RANBP17: variants seen among roughly 807,000 people sequenced by gnomAD.
RANBP17 encodes ran-binding protein 17.
Under a neutral mutation model 141.2 loss-of-function variants are expected in RANBP17, and 158 were observed. The observed-to-expected ratio is 1.12, with a 90% confidence interval of 0.98 to 1.28. The LOEUF is 1.28. Among genes scored for constraint, RANBP17 ranks in the 50% most tolerant of loss-of-function variants. RANBP17 has a pLI of 0.00. For missense variants in RANBP17, 1,438 were observed against 1,290.7 expected, an observed-to-expected ratio of 1.11 and a Z score of -1.75; for synonymous variants, 430 against 450.0, an observed-to-expected ratio of 0.96 and a Z score of 0.56.
chr5:171,132,585 G>A (rs1756996980), intron 14 of RANBP17, among the ~76,000 whole-genome samples: 1 of 151,962 alleles, frequency 6.6e-6, no homozygotes, highest in Non-Finnish European at 1.5e-5. Flanking sequence ...AACCAGGTAT[G>A]GTGGTGCATG....
Position 171,183,356 on chromosome 5 carries a change from A to G in RANBP17, c.1964A>G (p.Asn655Ser), listed in dbSNP as rs753101001. 1.1e-5 allele frequency: 17 copies of G among 1,613,922 alleles called. No individual in the cohort carries two copies. Among genetic ancestry groups the G allele is most frequent in the Non-Finnish European group, 1.4e-5 (17 of 1,179,934 alleles). The change falls in exon 18 of 28, where the codon AAT (asparagine) becomes AGT (serine). Residue 655 changes from asparagine (N) to serine (S), a missense_variant. By Grantham distance (46) the Asn-to-Ser change is conservative. Transcript: ENST00000523189. The stretch of plus-strand genomic sequence containing the variant: ...TTCCCTTTTCTTGGCATCAGTGACA[A>G]TCATAGTCTCAGCGACTTCAGGTGT... Reference protein sequence around the residue: ...EHFPFLGISDNHSLSDFRCRT... With the variant: ...EHFPFLGISDSHSLSDFRCRT...
intron 12 of RANBP17, among the ~76,000 whole-genome samples, chr5:170,948,401 A>G (rs1424964700): frequency 1.3e-5 from 2 of 152,176 alleles, no homozygotes; most frequent in African/African-American, 4.8e-5. Context: ...AATAAAATCA[A>G]TGGTATGTCT....
chr5:170,999,639 G>A (rs2127575229), intron 14 of RANBP17, among the ~76,000 whole-genome samples: 1 of 152,206 alleles, frequency 6.6e-6, no homozygotes, highest in South Asian at 2.1e-4. Context: ...AAAGATAATT[G>A]AAATATGTGT....
intron 1 of RANBP17, among the ~76,000 whole-genome samples, chr5:170,874,145 G>T (rs1273933862): frequency 6.6e-6 from 1 of 152,134 alleles, no homozygotes; most frequent in Non-Finnish European, 1.5e-5. Context: ...GTGTAGTTGT[G>T]TGGTTTTGAG....
intron 14 of RANBP17, among the ~76,000 whole-genome samples, chr5:170,977,390 G>T (rs1335725317): frequency 6.6e-6 from 1 of 151,968 alleles, no homozygotes; most frequent in African/African-American, 2.4e-5. Flanking sequence ...TTCATACACT[G>T]TTGCAAGGAA....
rs373432862 is a variant in RANBP17 at position 171,077,379 on chromosome 5, T to C, written c.1711-92751T>C. Among the ~76,000 whole-genome samples the C allele has an allele frequency of 2.2e-4, 34 of 151,298 alleles. No homozygotes were observed. In the East Asian group the frequency reaches 3.1e-3, roughly 14 times the overall value. On this transcript the variant is annotated intron_variant, in intron 14 of 27. Transcript: ENST00000523189. ...GTGTACAAGGTAAGTTATGAAGTAA[T>C]CTTGCCATAAAACAAAAAGGCAAGC... is the stretch of plus-strand genomic sequence containing the variant.
chr5:171,021,350 A>G (rs1163543904), intron 14 of RANBP17, among the ~76,000 whole-genome samples: 2 of 152,172 alleles, frequency 1.3e-5, no homozygotes, highest in Non-Finnish European at 1.5e-5. Context: ...CTCCTGGATA[A>G]TATCCTGAAG....
rs369727362 is a variant in RANBP17 at position 171,222,976 on chromosome 5, TA to T, written c.2422+1140del. 3.8e-3 allele frequency among the ~76,000 whole-genome samples: 572 copies of T among 152,320 alleles called. 2 individuals carry two copies. Among genetic ancestry groups the T allele is most frequent in the African/African-American group, 0.013 (521 of 41,556 alleles). ...CAGAAACAAATTGTACAAAATTTTG[TA>T]AAATCTCTTTATTTTAATTCTGTAT... On this transcript the variant is annotated intron_variant, in intron 22 of 27. Coordinates refer to ENST00000523189, the MANE Select transcript of RANBP17 (RefSeq NM_022897.5).
intron 14 of RANBP17, among the ~76,000 whole-genome samples, chr5:171,067,870 T>G (rs1784401278): frequency 6.7e-6 from 1 of 149,838 alleles, no homozygotes. Flanking sequence ...TCTCTTTTAA[T>G]TTATTCTGCT....
intron 14 of RANBP17, among the ~76,000 whole-genome samples, chr5:171,070,037 A>G (rs1784544759): frequency 6.6e-6 from 1 of 152,194 alleles, no homozygotes; most frequent in African/African-American, 2.4e-5. Context: ...TCAGTACACA[A>G]AATTTCTAAA....
intron 3 of RANBP17, among the ~76,000 whole-genome samples, chr5:170,890,407 A>G (rs1769499411): frequency 6.6e-6 from 1 of 152,080 alleles, no homozygotes; most frequent in South Asian, 2.1e-4. Flanking sequence ...TTTTTTCAAA[A>G]TGTATTTTAT....
chr5:171,168,320 C>A (rs1303905150), intron 14 of RANBP17, among the ~76,000 whole-genome samples: 1 of 152,134 alleles, frequency 6.6e-6, no homozygotes, highest in East Asian at 1.9e-4. Context: ...GGCAAAATGA[C>A]CAGCACATGA....
At chr5:171,058,536 C>T (rs999891572) in intron 14 of RANBP17, among the ~76,000 whole-genome samples, 11 of 151,792 alleles carry the variant, frequency 7.2e-5, no homozygotes, top group Non-Finnish European at 1.0e-4. Flanking sequence ...GTATATGTGC[C>T]ACATTTTCTT....
chr5:170,994,682 A>G (rs1207943882), intron 14 of RANBP17, among the ~76,000 whole-genome samples: 3 of 152,078 alleles, frequency 2.0e-5, no homozygotes, highest in East Asian at 1.9e-4. Context: ...TTTCTTTTCA[A>G]TACCCTCTAG....
At chr5:171,046,684 T>C (rs1441641631) in intron 14 of RANBP17, among the ~76,000 whole-genome samples, 1 of 151,976 alleles carries the variant, frequency 6.6e-6, no homozygotes, top group African/African-American at 2.4e-5. Context: ...AGAAAAGCAG[T>C]TGCTGGATGA....
chr5:171,137,950 G>GAT (rs67832819), intron 14 of RANBP17, among the ~76,000 whole-genome samples: 81,445 of 144,566 alleles, frequency 0.56, 23,440 homozygotes, highest in Middle Eastern at 0.7. Context: ...TGATATATGA[G>GAT]ATATATATAT....
chr5:171,122,336 C>T (rs74938822), intron 14 of RANBP17, among the ~76,000 whole-genome samples: 3 of 152,186 alleles, frequency 2.0e-5, no homozygotes, highest in African/African-American at 7.2e-5. Flanking sequence ...ATCTTGCTGA[C>T]ATCTTGCCTG....
intron 7 of RANBP17, 104 bp from the exon 8 acceptor site, chr5:170,914,063 C>A: frequency 4.1e-6 from 3 of 733,212 alleles, no homozygotes; most frequent in South Asian, 1.6e-5. Context: ...AAGGAATGGC[C>A]ACATGCAGAG....
chr5:170,927,467 C>A (rs1227041908), intron 12 of RANBP17, among the ~76,000 whole-genome samples: 1 of 151,980 alleles, frequency 6.6e-6, no homozygotes, highest in South Asian at 2.1e-4. Flanking sequence ...TTTTTCTTAT[C>A]AGTGAGGTTG....
Sources: gnomAD v4.1 joint callset for allele counts (sites outside exome capture counted in the v4.1 genomes callset) on GRCh38, gnomAD v4.1.1 for gene constraint, MANE v1.5 for transcripts, NCBI Gene and HGNC (gene_info 2026-07-23, HGNC 2026-07-21) for gene names.